Variants in KDM3A observed in about 807,000 individuals in gnomAD.
The protein encoded by KDM3A is lysine-specific demethylase 3A.
A neutral mutation model predicts 158.0 loss-of-function variants in KDM3A; 60 were observed. The ratio of observed to expected loss-of-function variants is 0.38; its 90% CI spans 0.31 to 0.47. The LOEUF (loss-of-function observed/expected upper bound fraction) is 0.47, where lower values mean the gene tolerates loss of function less well. KDM3A is among the 20% of genes least tolerant of loss of function. KDM3A has a pLI of 0.99. For synonymous variants in KDM3A, 608 were observed against 549.3 expected (o/e 1.11, Z -1.49); for missense variants, 1,319 against 1,574.3 (o/e 0.84, Z 2.74).
Position 86,466,894 on chromosome 2 carries a change from C to T in KDM3A, c.1519+11C>T, listed in dbSNP as rs761844908. 13 of 1,569,308 alleles carry T rather than the reference C, an allele frequency of 8.3e-6. No homozygotes were observed. In the African/African-American group the frequency reaches 1.4e-4, roughly 16 times the overall value. On this transcript the variant is annotated intron_variant, in intron 10 of 25. Coordinates refer to ENST00000312912, the MANE Select transcript of KDM3A (RefSeq NM_018433.6). ...ATAAAATCCAGAATGGTGAGTGTTTCTCAATATCTTTATTGGTAGAAGGTA... is the reference window on the plus strand; with the variant it reads ...ATAAAATCCAGAATGGTGAGTGTTTTTCAATATCTTTATTGGTAGAAGGTA...
intron 8 of KDM3A, 94 bp downstream of exon 8, chr2:86,457,165 A>G (rs1672742040): frequency 2.3e-6 from 1 of 433,128 alleles, no homozygotes; most frequent in African/African-American, 2.1e-5. Flanking sequence ...AATTATTTTT[A>G]TTTTTTTAGA....
At chr2:86,461,429 A>G (rs192682314) in intron 8 of KDM3A, among the ~76,000 whole-genome samples, 25 of 152,328 alleles carry the variant, frequency 1.6e-4, no homozygotes, top group African/African-American at 6.0e-4. Context: ...ATAGCTATTT[A>G]GAAATGTTAC....
Position 86,474,974 on chromosome 2 carries a change from A to C in KDM3A, c.1923A>C (p.Ser641=). Residue 641 remains serine, a synonymous_variant, in exon 12 of 26, where the codon TCA becomes TCC. Coordinates refer to ENST00000312912, the MANE Select transcript of KDM3A (RefSeq NM_018433.6). ...TGATTTCTGAAAAGGAAGCTATGTC[A>C]ACTATTGAGCCACACAGTAAGAGCA... The part of the protein sequence containing the change: ...QMVISEKEAM[S]TIEPHRQVAW... The C allele has an allele frequency of 6.2e-7, 1 of 1,613,986 alleles. No individual in the cohort carries two copies. Among genetic ancestry groups the C allele is most frequent in the Non-Finnish European group, 8.5e-7 (1 of 1,179,904 alleles).
intron 2 of KDM3A, among the ~76,000 whole-genome samples, chr2:86,443,689 G>A (rs1178107548): frequency 6.6e-6 from 1 of 152,146 alleles, no homozygotes; most frequent in African/African-American, 2.4e-5. Flanking sequence ...TTAACCATCA[G>A]GCCAGTGATC....
chr2:86,445,298 A>G (rs1030001424), intron 2 of KDM3A, among the ~76,000 whole-genome samples: 5 of 152,164 alleles, frequency 3.3e-5, no homozygotes, highest in Non-Finnish European at 7.3e-5. Context: ...ATGAGGCAGT[A>G]GCATTCTCTT....
Position 86,492,125 on chromosome 2 carries a change from C to T in KDM3A, c.*6C>T. On this transcript the variant is annotated 3_prime_UTR_variant, in exon 26 of 26. Coordinates refer to ENST00000312912, the MANE Select transcript of KDM3A (RefSeq NM_018433.6). Reference sequence around the variant, plus strand: ...CCAGTTTTGGCAAACCTTAATCTCCCTGCACATTGGAAATGAATTACAGGC... The same window carrying T: ...CCAGTTTTGGCAAACCTTAATCTCCTTGCACATTGGAAATGAATTACAGGC... 3 of 1,604,920 alleles carry T rather than the reference C, an allele frequency of 1.9e-6. No homozygotes were observed. Among genetic ancestry groups the T allele is most frequent in the Non-Finnish European group, 2.6e-6 (3 of 1,172,038 alleles).
Position 86,457,084 on chromosome 2 carries a change from T to A in KDM3A, c.843+13T>A. The A allele has an allele frequency of 7.0e-7, 1 of 1,437,358 alleles. No homozygotes were observed. The highest frequency in any genetic ancestry group is 9.5e-7 in the Non-Finnish European group (1 of 1,049,138). The allele number at this position is 1,437,358 out of a possible 1,614,324, so 89.0% of individuals were successfully genotyped here. The stretch of plus-strand genomic sequence containing the variant: ...ATCTTGCTCTGAGGTAACCTTTATT[T>A]ATGTCACTTGTGTAAAGCTTTCCTT... On this transcript the variant is annotated intron_variant, in intron 8 of 25. Coordinates refer to ENST00000312912, the MANE Select transcript of KDM3A (RefSeq NM_018433.6).
In KDM3A at chr2:86,449,803, C is replaced by T. The variant is rs375522790; in HGVS notation, c.187-4C>T. On this transcript the variant is annotated splice_polypyrimidine_tract_variant and splice_region_variant and intron_variant, in intron 2 of 25. Coordinates refer to ENST00000312912, the MANE Select transcript of KDM3A (RefSeq NM_018433.6). The stretch of plus-strand genomic sequence containing the variant: ...TCCCCCACCCCCCAATTTTGTCTGT[C>T]TAGGTGTGTGTGGAATTTGATGGGG... 25 of 1,608,696 alleles carry T rather than the reference C, an allele frequency of 1.6e-5. No homozygotes were observed. Among genetic ancestry groups the T allele is most frequent in the Non-Finnish European group, 2.1e-5 (25 of 1,177,898 alleles).
chr2:86,476,570 G>A (rs1673669045), intron 12 of KDM3A, among the ~76,000 whole-genome samples: 1 of 152,202 alleles, frequency 6.6e-6, no homozygotes, highest in Admixed American at 6.5e-5. Flanking sequence ...CTGATCCTGA[G>A]ATTAGGGAGC....
chr2:86,474,448 A>AG (rs1370075047), intron 11 of KDM3A, among the ~76,000 whole-genome samples: 1 of 151,496 alleles, frequency 6.6e-6, no homozygotes. Flanking sequence ...GTATCACCTG[A>AG]GGTCAGGAGT....
intron 2 of KDM3A, among the ~76,000 whole-genome samples, chr2:86,446,514 AC>A (rs1435865212): frequency 1.3e-5 from 2 of 152,076 alleles, no homozygotes; most frequent in East Asian, 3.9e-4. Flanking sequence ...TTCAAGACCA[AC>A]CTGGCCAACA....
rs985680710 is a variant in KDM3A, at chr2:86,455,015, C to T, written c.454-70C>T. On this transcript the variant is annotated intron_variant, in intron 4 of 25. Coordinates refer to ENST00000312912, the MANE Select transcript of KDM3A (RefSeq NM_018433.6). ...CCATTTGATTAACCAATTGAAATAG[C>T]CCACTGGAATTTAAATAACTCTTCT... 14 of 844,838 alleles carry T rather than the reference C, an allele frequency of 1.7e-5. No individual in the cohort carries two copies. The East Asian group carries it at 3.2e-4, about 19-fold the overall frequency. The allele number at this position is 844,838 out of a possible 1,614,324, so 52.3% of individuals were successfully genotyped here. A position where few individuals can be genotyped will look rare whatever the true frequency, so the allele number is the denominator to read the frequency against.
chr2:86,464,538 TG>T (rs1673056781), intron 9 of KDM3A, among the ~76,000 whole-genome samples: 1 of 152,068 alleles, frequency 6.6e-6, no homozygotes, highest in Non-Finnish European at 1.5e-5. Context: ...CTGAGGTCAG[TG>T]GGAGTGTGAA....
chr2:86,464,315 C>T (rs969575817), intron 9 of KDM3A, 99 bp downstream of exon 9: 25 of 860,428 alleles, frequency 2.9e-5, no homozygotes, highest in Admixed American at 6.4e-5. Flanking sequence ...GGAGGTTTTT[C>T]GTTAGAGTTT....
chr2:86,458,114 T>C (rs1163680269), intron 8 of KDM3A, among the ~76,000 whole-genome samples: 5 of 152,080 alleles, frequency 3.3e-5, no homozygotes, highest in Non-Finnish European at 7.4e-5. Flanking sequence ...AGAAATGGCA[T>C]GGGGAGTGGG....
At chr2:86,490,655 C>T in intron 23 of KDM3A, 1 of 453,882 alleles carries the variant, frequency 2.2e-6, no homozygotes, top group Non-Finnish European at 3.9e-6. Context: ...TATGCAGAGC[C>T]TGTCAGTCAT....
At chr2:86,482,203 A>T (rs1673962938) in intron 17 of KDM3A, 101 bp downstream of exon 17, 5 of 1,342,738 alleles carry the variant, frequency 3.7e-6, no homozygotes, top group Non-Finnish European at 5.3e-6. Flanking sequence ...ACTGAATCAC[A>T]TACTTACCTT....
In KDM3A at chr2:86,481,991, T is replaced by C. The variant is rs576975221; in HGVS notation, c.2574T>C (p.Pro858=). The part of the protein sequence containing the change: ...NEIKCLPPLP[P]LSKSSTVLHT... ...TCAAATGCCTTCCACCCCTCCCACC[T>C]TTAAGCAAATCCAGCACAGTCCTCC... The change falls in exon 17 of 26, where the codon CCT becomes CCC. Residue 858 remains proline, a synonymous_variant. Transcript: ENST00000312912. The C allele has an allele frequency of 1.2e-6, 2 of 1,614,092 alleles. No homozygotes were observed. Among genetic ancestry groups the C allele is most frequent in the East Asian group, 2.2e-5 (1 of 44,880 alleles).
chr2:86,470,424 A>C lies in KDM3A; in HGVS notation c.1724+16A>C, dbSNP rs751360296. 2 of 1,609,962 alleles carry C rather than the reference A, an allele frequency of 1.2e-6. No homozygotes were observed. The highest frequency in any genetic ancestry group is 1.1e-5 in the South Asian group (1 of 90,974). On this transcript the variant is annotated intron_variant, in intron 11 of 25. Coordinates refer to ENST00000312912, the MANE Select transcript of KDM3A (RefSeq NM_018433.6). The stretch of plus-strand genomic sequence containing the variant: ...ACTTCAGGAGGTGAGGCATTTTGGG[A>C]AAAGTTCAGATAATCTGGGCATACT...
Sources: gnomAD v4.1 joint callset for allele counts (sites outside exome capture counted in the v4.1 genomes callset) on GRCh38, gnomAD v4.1.1 for gene constraint, MANE v1.5 for transcripts, NCBI Gene and HGNC (gene_info 2026-07-23, HGNC 2026-07-21) for gene names.